UBE4B: variants seen among roughly 807,000 people sequenced by gnomAD.
The protein encoded by UBE4B is ubiquitination factor E4B, also known as ubiquitin conjugation factor E4 B.
A neutral mutation model predicts 148.1 loss-of-function variants in UBE4B; 27 were observed. The ratio of observed to expected loss-of-function variants is 0.18; its 90% CI spans 0.13 to 0.25. The LOEUF is 0.25. Ranked by LOEUF, UBE4B falls within the 10% of genes least tolerant of loss-of-function variation. The pLI, the probability that UBE4B is intolerant of heterozygous loss-of-function variation, is 1.00. For synonymous variants in UBE4B, 596 were observed against 619.3 expected, an observed-to-expected ratio of 0.96 and a Z score of 0.56; for missense variants, 1,170 against 1,662.4, an observed-to-expected ratio of 0.70 and a Z score of 5.15.
At chr1:10,149,330 A>G (rs1168800668) in intron 20 of UBE4B, 48 bp downstream of exon 20, 2 of 1,416,506 alleles carry the variant, frequency 1.4e-6, no homozygotes, top group South Asian at 2.6e-5. Flanking sequence ...TTTTATGCAT[A>G]ATAGTATAAT....
intron 25 of UBE4B, among the ~76,000 whole-genome samples, chr1:10,173,977 T>A (rs12074936): frequency 1.3e-5 from 2 of 152,068 alleles, no homozygotes; most frequent in Non-Finnish European, 2.9e-5. Flanking sequence ...TGGCTTGGGT[T>A]GTAGACAGCA....
chr1:10,171,404 T>C, intron 25 of UBE4B, 75 bp downstream of exon 25: 1 of 1,532,434 alleles, frequency 6.5e-7, no homozygotes, highest in South Asian at 1.2e-5. Flanking sequence ...GCCAGGGAAC[T>C]CGTCTGGTGT....
At chr1:10,095,105 C>T (rs982723704) in intron 2 of UBE4B, among the ~76,000 whole-genome samples, 6 of 151,966 alleles carry the variant, frequency 3.9e-5, no homozygotes, top group African/African-American at 9.7e-5. Context: ...TTCTTTTGGG[C>T]GCATTTCAAG....
intron 25 of UBE4B, among the ~76,000 whole-genome samples, chr1:10,174,323 G>A (rs1187648096): frequency 1.3e-5 from 2 of 151,470 alleles, no homozygotes; most frequent in African/African-American, 2.4e-5. Flanking sequence ...AACCCGGGAG[G>A]CAGAGGTTGC....
intron 15 of UBE4B, among the ~76,000 whole-genome samples, chr1:10,133,686 G>A (rs983748079): frequency 1.3e-5 from 2 of 151,964 alleles, no homozygotes; most frequent in African/African-American, 4.8e-5. Flanking sequence ...CGAGGTGGGA[G>A]GATCACTTGA....
intron 3 of UBE4B, among the ~76,000 whole-genome samples, chr1:10,097,218 CA>C (rs1644943621): frequency 1.3e-5 from 2 of 151,514 alleles, no homozygotes; most frequent in African/African-American, 4.9e-5. Flanking sequence ...AAGAACAAAG[CA>C]GATGAAAAAT....
Position 10,158,494 on chromosome 1 carries a change from G to T in UBE4B, c.3053+12G>T. 1.2e-6 allele frequency: 2 copies of T among 1,609,738 alleles called. No individual in the cohort carries two copies. The highest frequency in any genetic ancestry group is 1.7e-6 in the Non-Finnish European group (2 of 1,177,774). ...ATGGAGGAGTTCAAGTGAGTATGGG[G>T]CCCCTCGTGTCACAACTTGCTTTCT... On this transcript the variant is annotated intron_variant, in intron 22 of 27. Coordinates refer to ENST00000343090, the MANE Select transcript of UBE4B (RefSeq NM_001105562.3).
intron 16 of UBE4B, among the ~76,000 whole-genome samples, chr1:10,136,326 C>A (rs1645682243): frequency 6.6e-6 from 1 of 151,766 alleles, no homozygotes; most frequent in Non-Finnish European, 1.5e-5. Flanking sequence ...AAAAATTAGC[C>A]CAGCATGGTG....
At chr1:10,068,120 C>T (rs1644420344) in intron 1 of UBE4B, among the ~76,000 whole-genome samples, 1 of 151,260 alleles carries the variant, frequency 6.6e-6, no homozygotes, top group Non-Finnish European at 1.5e-5. Context: ...CCTCCGCCTC[C>T]TGGGTTCAAG....
intron 4 of UBE4B, among the ~76,000 whole-genome samples, chr1:10,102,143 C>T (rs962209501): frequency 6.6e-6 from 1 of 151,984 alleles, no homozygotes; most frequent in African/African-American, 2.4e-5. Flanking sequence ...TGCACTGTAG[C>T]CTCCTAGTGG....
At chr1:10,109,277 A>C (rs534823771) in intron 7 of UBE4B, among the ~76,000 whole-genome samples, 2 of 152,276 alleles carry the variant, frequency 1.3e-5, no homozygotes, top group East Asian at 3.9e-4. Flanking sequence ...TCCTGAATCC[A>C]GACTCATGTT....
Position 10,106,695 on chromosome 1 carries a change from G to T in UBE4B, c.1196+112G>T, listed in dbSNP as rs143097895. The T allele has an allele frequency of 1.5e-6, 2 of 1,370,004 alleles. No homozygotes were observed. The highest frequency in any genetic ancestry group is 1.9e-6 in the Non-Finnish European group (2 of 1,046,640). The allele number at this position is 1,370,004 out of a possible 1,614,324, so 84.9% of individuals were successfully genotyped here. ...TGACTCTGTTAAATTGTTGTTTTGG[G>T]TTATTAACCTGTGTGGCTAACTAGT... On this transcript the variant is annotated intron_variant, in intron 7 of 27. Coordinates refer to ENST00000343090, the MANE Select transcript of UBE4B (RefSeq NM_001105562.3). This position sits in a 1 kb window ranked among gnomAD's most constrained non-coding sequence, Gnocchi z 4.2.
chr1:10,107,062 C>G (rs902206111), intron 7 of UBE4B, among the ~76,000 whole-genome samples: 8 of 152,126 alleles, frequency 5.3e-5, no homozygotes, highest in African/African-American at 1.9e-4. Flanking sequence ...TCAAATGTAC[C>G]TGTATGTGTT....
intron 8 of UBE4B, among the ~76,000 whole-genome samples, chr1:10,119,177 G>T (rs750688347): frequency 2.0e-5 from 3 of 151,956 alleles, no homozygotes; most frequent in Non-Finnish European, 2.9e-5. Flanking sequence ...CACCGTGCCC[G>T]GCCCAGGCTA....
chr1:10,058,180 C>G (rs373079835), intron 1 of UBE4B, among the ~76,000 whole-genome samples: 2 of 152,130 alleles, frequency 1.3e-5, no homozygotes, highest in African/African-American at 4.8e-5. Context: ...GGGAGTAAGT[C>G]CTGGACATAG....
At chr1:10,151,623 T>C in intron 21 of UBE4B, 62 bp downstream of exon 21, 1 of 1,431,698 alleles carries the variant, frequency 7.0e-7, no homozygotes, top group Non-Finnish European at 9.7e-7. Flanking sequence ...CATCTAAAGC[T>C]AGTGGACGAC....
intron 1 of UBE4B, among the ~76,000 whole-genome samples, chr1:10,063,825 T>C (rs1482231237): frequency 1.3e-5 from 2 of 151,830 alleles, no homozygotes; most frequent in Non-Finnish European, 2.9e-5. Context: ...GGAGAATCGC[T>C]TGAACCAGGG....
intron 7 of UBE4B, among the ~76,000 whole-genome samples, chr1:10,108,352 C>T (rs1291812736): frequency 1.3e-5 from 2 of 152,118 alleles, no homozygotes; most frequent in Non-Finnish European, 2.9e-5. Flanking sequence ...AAGCCAGACC[C>T]CATTTGTTTA....
chr1:10,147,765 T>C (rs1396954322), intron 19 of UBE4B, among the ~76,000 whole-genome samples: 1 of 152,096 alleles, frequency 6.6e-6, no homozygotes, highest in Non-Finnish European at 1.5e-5. Flanking sequence ...ATTCAGAGAG[T>C]GAGCTAAGAA....
Sources: gnomAD v4.1 joint callset for allele counts (sites outside exome capture counted in the v4.1 genomes callset) on GRCh38, gnomAD v4.1.1 for gene constraint, Gnocchi (gnomAD v3.1) non-coding constraint, MANE v1.5 for transcripts, NCBI Gene and HGNC (gene_info 2026-07-23, HGNC 2026-07-21) for gene names.